CCDC178: variants seen among roughly 807,000 people sequenced by gnomAD.
CCDC178 encodes coiled-coil domain-containing protein 178.
A neutral mutation model predicts 117.4 loss-of-function variants in CCDC178; 126 were observed. The ratio of observed to expected loss-of-function variants is 1.07; its 90% confidence interval spans 0.93 to 1.24. The LOEUF (loss-of-function observed/expected upper bound fraction) is 1.24, where lower values mean the gene tolerates loss of function less well. Ranked by LOEUF, CCDC178 falls within the 50% of genes most tolerant of loss-of-function variation. The pLI is 0.00. For synonymous variants in CCDC178, 283 were observed against 313.4 expected, an observed-to-expected ratio of 0.90 and a Z score of 1.02; for missense variants, 1,030 against 986.9, an observed-to-expected ratio of 1.04 and a Z score of -0.59.
chr18:33,192,348 G>T (rs1321254466), intron 20 of CCDC178, among the ~76,000 whole-genome samples: 1 of 152,172 alleles, frequency 6.6e-6, no homozygotes, highest in Non-Finnish European at 1.5e-5. Context: ...ACTTCAGTTT[G>T]TCTGTGGGTA....
intron 9 of CCDC178, among the ~76,000 whole-genome samples, chr18:33,342,003 G>A (rs2062823514): frequency 6.6e-6 from 1 of 152,116 alleles, no homozygotes; most frequent in South Asian, 2.1e-4. Context: ...TGAAACTTAA[G>A]AAGGTTTAGA....
At chr18:33,013,383 T>C (rs894228577) in intron 21 of CCDC178, among the ~76,000 whole-genome samples, 4 of 152,200 alleles carry the variant, frequency 2.6e-5, no homozygotes, top group South Asian at 2.1e-4. Flanking sequence ...TCCAAGTTTA[T>C]GATTAATCTC....
intron 22 of CCDC178, among the ~76,000 whole-genome samples, chr18:32,952,998 T>G (rs1005743064): frequency 6.6e-6 from 1 of 152,016 alleles, no homozygotes. Flanking sequence ...GGTCTAGATC[T>G]CCTGACCTCA....
intron 15 of CCDC178, among the ~76,000 whole-genome samples, chr18:33,234,245 A>G (rs2059400842): frequency 6.6e-6 from 1 of 152,046 alleles, no homozygotes; most frequent in Non-Finnish European, 1.5e-5. Flanking sequence ...GTACCTTCAC[A>G]CTATTTCTGT....
chr18:33,149,625 G>C (rs2058316868), intron 20 of CCDC178, among the ~76,000 whole-genome samples: 1 of 152,102 alleles, frequency 6.6e-6, no homozygotes, highest in African/African-American at 2.4e-5. Context: ...AATAAGTGAA[G>C]GGCCATATGC....
At chr18:33,036,550 G>A (rs1753688454) in intron 21 of CCDC178, among the ~76,000 whole-genome samples, 2 of 151,870 alleles carry the variant, frequency 1.3e-5, no homozygotes, top group South Asian at 2.1e-4. Context: ...GGATGACTAG[G>A]AGTATAGAAA....
chr18:33,126,727 C>G (rs2058009132), intron 20 of CCDC178, among the ~76,000 whole-genome samples: 1 of 151,958 alleles, frequency 6.6e-6, no homozygotes, highest in Non-Finnish European at 1.5e-5. Flanking sequence ...GGCGCCATCT[C>G]AGCTCACTGC....
At chr18:33,058,718 C>G (rs371411432) in intron 21 of CCDC178, among the ~76,000 whole-genome samples, 1 of 152,044 alleles carries the variant, frequency 6.6e-6, no homozygotes, top group Admixed American at 6.6e-5. Context: ...TGATGGTTTA[C>G]GTACAAATTC....
chr18:33,339,001 G>A (rs1293621971), intron 9 of CCDC178, among the ~76,000 whole-genome samples: 1 of 151,922 alleles, frequency 6.6e-6, no homozygotes, highest in African/African-American at 2.4e-5. Flanking sequence ...TAAATAAATA[G>A]ATTCCATAAG....
intron 15 of CCDC178, among the ~76,000 whole-genome samples, chr18:33,234,005 A>G (rs2059398207): frequency 6.6e-6 from 1 of 152,166 alleles, no homozygotes; most frequent in African/African-American, 2.4e-5. Flanking sequence ...GTACTAACCC[A>G]GTAGAATGGA....
intron 21 of CCDC178, among the ~76,000 whole-genome samples, chr18:33,009,864 A>C (rs2055827783): frequency 6.6e-6 from 1 of 152,178 alleles, no homozygotes; most frequent in East Asian, 1.9e-4. Flanking sequence ...AGGAATACAA[A>C]AAATGAGAAT....
chr18:33,054,688 A>G (rs8083528), intron 21 of CCDC178, among the ~76,000 whole-genome samples: 1 of 152,202 alleles, frequency 6.6e-6, no homozygotes, highest in Non-Finnish European at 1.5e-5. Context: ...GCATTTAGGT[A>G]GATTCTATGT....
chr18:33,354,642 A>C (rs1599210511), intron 7 of CCDC178, among the ~76,000 whole-genome samples: 1 of 139,888 alleles, frequency 7.1e-6, no homozygotes. Flanking sequence ...ACAGAGTCTC[A>C]CTCTGTCGCC....
At chr18:33,094,608 C>G (rs1022107711) in intron 20 of CCDC178, among the ~76,000 whole-genome samples, 1 of 151,486 alleles carries the variant, frequency 6.6e-6, no homozygotes, top group Non-Finnish European at 1.5e-5. Context: ...TACAGAGTTC[C>G]GGGATTTGCA....
intron 21 of CCDC178, among the ~76,000 whole-genome samples, chr18:32,996,660 T>C (rs1206869082): frequency 2.0e-5 from 3 of 151,924 alleles, no homozygotes; most frequent in South Asian, 2.1e-4. Flanking sequence ...AATTAAGCCA[T>C]AGGAAACAGA....
chr18:32,963,140 T>C (rs546216877), intron 22 of CCDC178, among the ~76,000 whole-genome samples: 49 of 152,168 alleles, frequency 3.2e-4, no homozygotes, highest in African/African-American at 1.1e-3. Flanking sequence ...GTTTATGTCC[T>C]GAGGATGAGC....
At chr18:33,098,705 T>G (rs191637450) in intron 20 of CCDC178, among the ~76,000 whole-genome samples, 16 of 152,200 alleles carry the variant, frequency 1.1e-4, no homozygotes, top group Admixed American at 9.2e-4. Flanking sequence ...TTGATTGATT[T>G]TACTCCAGAG....
At chr18:33,108,006 GT>G (rs367979473) in intron 20 of CCDC178, among the ~76,000 whole-genome samples, 2 of 151,568 alleles carry the variant, frequency 1.3e-5, no homozygotes, top group African/African-American at 4.8e-5. Context: ...ACCTTTTGAA[GT>G]TTTTTTATCC....
chr18:32,970,647 T>C (rs1419994959), intron 22 of CCDC178, among the ~76,000 whole-genome samples: 1 of 152,030 alleles, frequency 6.6e-6, no homozygotes, highest in Non-Finnish European at 1.5e-5. Context: ...CTCTAGCATG[T>C]TTTCCTTTAA....
Sources: gnomAD v4.1 joint callset for allele counts (sites outside exome capture counted in the v4.1 genomes callset) on GRCh38, gnomAD v4.1.1 for gene constraint, MANE v1.5 for transcripts, NCBI Gene and HGNC (gene_info 2026-07-23, HGNC 2026-07-21) for gene names.